The following CEP152 variants were observed in gnomAD, a reference collection of about 807,000 sequenced individuals.
CEP152 encodes centrosomal protein of 152 kDa.
Under a neutral mutation model 188.9 loss-of-function variants are expected in CEP152, and 132 were observed. That is an observed-to-expected ratio of 0.70 (90% confidence interval 0.61 to 0.81). The LOEUF is 0.81. Among genes scored for constraint, CEP152 ranks in the 30% least tolerant of loss-of-function variants. The pLI, the probability that CEP152 is intolerant of heterozygous loss-of-function variation, is 0.00. For synonymous variants in CEP152, 649 were observed against 666.6 expected, an observed-to-expected ratio of 0.97 and a Z score of 0.41; for missense variants, 1,914 against 1,969.8, an observed-to-expected ratio of 0.97 and a Z score of 0.54.
intron 10 of CEP152, 134 bp downstream of exon 10, chr15:48,783,839 T>C: frequency 1.9e-6 from 1 of 536,606 alleles, no homozygotes; most frequent in African/African-American, 2.0e-5. Context: ...TATATATTTC[T>C]TTTTTTTAAA....
At position 48,778,681 on chromosome 15, in the gene CEP152, G is replaced by A. The variant is rs1240572884; in HGVS notation, c.1577+2515C>T. Among the ~76,000 whole-genome samples the A allele has an allele frequency of 2.0e-5, 3 of 152,120 alleles. No individual in the cohort carries two copies. The South Asian group carries it at 6.2e-4, about 32-fold the overall frequency. On this transcript the variant is annotated intron_variant, in intron 12 of 26. Coordinates refer to ENST00000380950, the MANE Select transcript of CEP152 (RefSeq NM_001194998.2). ...ATGAGTACAGGAGGCCGGGCGCGGTGGCTGAAGCCTGTAATCCCAGCACTT... is the reference window on the plus strand; with the variant it reads ...ATGAGTACAGGAGGCCGGGCGCGGTAGCTGAAGCCTGTAATCCCAGCACTT...
At chr15:48,807,285 T>C (rs1355798506) in intron 1 of CEP152, among the ~76,000 whole-genome samples, 1 of 152,208 alleles carries the variant, frequency 6.6e-6, no homozygotes, top group African/African-American at 2.4e-5. Context: ...ATAAAAAGCC[T>C]GTAACATGAA....
intron 2 of CEP152, among the ~76,000 whole-genome samples, chr15:48,801,920 C>T (rs1029454930): frequency 6.6e-6 from 1 of 152,032 alleles, no homozygotes; most frequent in African/African-American, 2.4e-5. Flanking sequence ...ATGGCAAAAC[C>T]CTGTCTCTAC....
intron 21 of CEP152, 46 bp downstream of exon 21, chr15:48,752,303 G>A: frequency 2.5e-6 from 4 of 1,613,886 alleles, no homozygotes; most frequent in Non-Finnish European, 1.7e-6. Flanking sequence ...CTTCAGATGG[G>A]TGATTATGGA....
At chr15:48,759,326 G>A (rs976892279) in intron 19 of CEP152, among the ~76,000 whole-genome samples, 6 of 152,038 alleles carry the variant, frequency 3.9e-5, no homozygotes, top group African/African-American at 7.2e-5. Flanking sequence ...TGTGATACAC[G>A]TTGGGTAAAC....
At position 48,748,537 on chromosome 15, in the gene CEP152, C is replaced by T; in HGVS notation, c.3540G>A (p.Gln1180=). 6.5e-7 allele frequency: 1 copy of T among 1,534,504 alleles called. No homozygotes were observed. Among genetic ancestry groups the T allele is most frequent in the Non-Finnish European group, 8.7e-7 (1 of 1,146,094 alleles). Residue 1180 remains glutamine (Q), a synonymous_variant, in exon 22 of 27, where the codon CAG becomes CAA. Transcript: ENST00000380950. The part of the protein sequence containing the change: ...HCFQELEKAK[Q]ECQDLKGKLE... Reference sequence around the variant, plus strand: ...GTTTTCCTTTCAGATCTTGACATTCCTGCTTTGCCTTTTCAAGTTCTTGGA... The same window carrying T: ...GTTTTCCTTTCAGATCTTGACATTCTTGCTTTGCCTTTTCAAGTTCTTGGA...
rs140140525 is a variant in CEP152 at position 48,769,778 on chromosome 15, G to A, written c.1783-697C>T. Reference sequence around the variant, plus strand: ...TTCATTTATGTCAGCATTCACTCACGGACATATATTTTATTCAATACATAC... The same window carrying A: ...TTCATTTATGTCAGCATTCACTCACAGACATATATTTTATTCAATACATAC... On this transcript the variant is annotated intron_variant, in intron 13 of 26. Transcript: ENST00000380950. 1.0e-3 allele frequency among the ~76,000 whole-genome samples: 158 copies of A among 152,160 alleles called. 2 individuals carry two copies. Among genetic ancestry groups the A allele is most frequent in the African/African-American group, 3.6e-3 (148 of 41,500 alleles).
chr15:48,743,018 C>A (rs1893108536), intron 24 of CEP152, among the ~76,000 whole-genome samples: 1 of 152,116 alleles, frequency 6.6e-6, no homozygotes, highest in Non-Finnish European at 1.5e-5. Context: ...CAAAACAAAA[C>A]CTCCAACCAA....
rs1895271547 is a variant in CEP152 at position 48,768,242 on chromosome 15, A to G, written c.1995T>C (p.His665=). The part of the protein sequence containing the change: ...QMRQMVQDFD[H]DKQEAVDRCE... ...ACCTATCCACAGCTTCTTGTTTGTC[A>G]TGGTCAAAATCTTGTACCATTTGTC... Residue 665 remains histidine (H), a synonymous_variant, in exon 15 of 27, where the codon CAT becomes CAC. Coordinates refer to ENST00000380950, the MANE Select transcript of CEP152 (RefSeq NM_001194998.2). 1.9e-6 allele frequency: 3 copies of G among 1,610,220 alleles called. No homozygotes were observed. Among genetic ancestry groups the G allele is most frequent in the African/African-American group, 1.3e-5 (1 of 74,824 alleles).
intron 2 of CEP152, among the ~76,000 whole-genome samples, chr15:48,801,175 C>T (rs913689850): frequency 6.6e-6 from 1 of 152,292 alleles, no homozygotes; most frequent in Non-Finnish European, 1.5e-5. Flanking sequence ...TAAAAAGATT[C>T]TGATATTTTC....
chr15:48,792,316 CTAA>C (rs1457567271), intron 7 of CEP152, among the ~76,000 whole-genome samples: 2 of 152,132 alleles, frequency 1.3e-5, no homozygotes, highest in African/African-American at 4.8e-5. Flanking sequence ...TTAAATTCAC[CTAA>C]TGTTAAATTC....
chr15:48,788,973 A>G lies in CEP152; in HGVS notation c.1001T>C (p.Met334Thr), dbSNP rs1896843419. 1 of 1,614,180 alleles carries G rather than the reference A, an allele frequency of 6.2e-7. No homozygotes were observed. Among genetic ancestry groups the G allele is most frequent in the Non-Finnish European group, 8.5e-7 (1 of 1,180,020 alleles). ...CTGCTGCTTCAAGCTTTCCAGAGCC[A>G]TTTCAGTTGTTCTGGACTTCTTGAT... ...QMIKKSRTTE[M>T]ALESLKQQLV... The change falls in exon 9 of 27, where the codon ATG becomes ACG. Residue 334 changes from methionine to threonine, a missense_variant. Coordinates refer to ENST00000380950, the MANE Select transcript of CEP152 (RefSeq NM_001194998.2).
At position 48,805,602 on chromosome 15, in the gene CEP152, A is replaced by G; in HGVS notation, c.48T>C (p.Asp16=). 2 of 1,607,108 alleles carry G rather than the reference A, an allele frequency of 1.2e-6. No individual in the cohort carries two copies. The highest frequency in any genetic ancestry group is 1.7e-6 in the Non-Finnish European group (2 of 1,178,740). ...GSVALPVQNE[D]EEYDEEDYER... is the part of the protein sequence containing the mutation. Reference sequence around the variant, plus strand: ...CATAGTCCTCTTCGTCATACTCTTCATCTTCATTTTGCACTGGTAGTGCCA... The same window carrying G: ...CATAGTCCTCTTCGTCATACTCTTCGTCTTCATTTTGCACTGGTAGTGCCA... The change falls in exon 2 of 27, where the codon GAT becomes GAC. Residue 16 remains aspartate (D), a synonymous_variant. Transcript: ENST00000380950.
intron 20 of CEP152, among the ~76,000 whole-genome samples, chr15:48,754,757 C>T (rs1379913823): frequency 6.6e-6 from 1 of 152,168 alleles, no homozygotes; most frequent in Non-Finnish European, 1.5e-5. Flanking sequence ...CCATGCATAT[C>T]CTACCCAAAC....
chr15:48,797,625 A>C (rs746580202), intron 4 of CEP152, 36 bp downstream of exon 4: 35 of 1,613,954 alleles, frequency 2.2e-5, no homozygotes, highest in Non-Finnish European at 2.8e-5. Context: ...ATCCAGTCCC[A>C]CCCTCACCAA....
chr15:48,804,471 G>T (rs887764014), intron 2 of CEP152, among the ~76,000 whole-genome samples: 1 of 152,052 alleles, frequency 6.6e-6, no homozygotes, highest in African/African-American at 2.4e-5. Flanking sequence ...TTAGAAAATG[G>T]GTCATATAAA....
At chr15:48,791,856 AAAAC>A (rs1357775658) in intron 7 of CEP152, among the ~76,000 whole-genome samples, 4 of 152,030 alleles carry the variant, frequency 2.6e-5, no homozygotes, top group African/African-American at 7.2e-5. Flanking sequence ...ATTAAAAAAA[AAAAC>A]AAACCTGATA....
At chr15:48,774,866 C>T (rs1262362685) in intron 12 of CEP152, among the ~76,000 whole-genome samples, 1 of 151,476 alleles carries the variant, frequency 6.6e-6, no homozygotes. Context: ...TTTAAAGTAG[C>T]TATTATATCT....
chr15:48,751,658 T>C (rs1893884943), intron 21 of CEP152, among the ~76,000 whole-genome samples: 1 of 152,120 alleles, frequency 6.6e-6, no homozygotes, highest in Non-Finnish European at 1.5e-5. Flanking sequence ...GTTGCGTTTG[T>C]GTGGGGAGGA....
Sources: allele counts gnomAD v4.1 joint callset (sites outside exome capture counted in the v4.1 genomes callset), GRCh38; gene constraint gnomAD v4.1.1; transcripts MANE v1.5; gene names NCBI Gene and HGNC (gene_info 2026-07-23, HGNC 2026-07-21).